DOCK2: variants seen among roughly 807,000 people sequenced by gnomAD.
DOCK2 encodes the protein dedicator of cytokinesis protein 2.
DOCK2 carries 87 observed loss-of-function variants against 248.9 expected under a neutral mutation model. The ratio of observed to expected loss-of-function variants is 0.35; its 90% CI spans 0.29 to 0.42. DOCK2 has a LOEUF of 0.42. Ranked by LOEUF, DOCK2 falls within the 10% of genes least tolerant of loss-of-function variation. The pLI is 1.00. For synonymous variants in DOCK2, 805 were observed against 821.6 expected, an observed-to-expected ratio of 0.98 and a Z score of 0.35; for missense variants, 1,747 against 2,300.2, an observed-to-expected ratio of 0.76 and a Z score of 4.92.
chr5:169,668,523 T>C (rs17736667), intron 2 of DOCK2, among the ~76,000 whole-genome samples: 7,515 of 152,214 alleles, frequency 0.049, 263 homozygotes, highest in East Asian at 0.14. Flanking sequence ...CTAGTGAGGC[T>C]CCTGACAGAC....
At chr5:169,730,014 T>C (rs963572421) in intron 22 of DOCK2, among the ~76,000 whole-genome samples, 1 of 152,200 alleles carries the variant, frequency 6.6e-6, no homozygotes, top group Non-Finnish European at 1.5e-5. Context: ...TGGAGTGCAA[T>C]GGCACAATCT....
chr5:169,753,473 G>A (rs1370789802), intron 23 of DOCK2, among the ~76,000 whole-genome samples: 1 of 149,980 alleles, frequency 6.7e-6, no homozygotes, highest in Non-Finnish European at 1.5e-5. Flanking sequence ...AAGACTATAT[G>A]CAAAGACAAA....
chr5:169,746,106 A>G (rs1561657975), intron 22 of DOCK2, among the ~76,000 whole-genome samples: 1 of 152,044 alleles, frequency 6.6e-6, no homozygotes, highest in African/African-American at 2.4e-5. Context: ...GGCTTTAGAG[A>G]GGGGGTTAGT....
At chr5:169,689,112 G>A (rs1760148939) in intron 8 of DOCK2, 140 bp from the exon 9 acceptor site, 2 of 685,216 alleles carry the variant, frequency 2.9e-6, no homozygotes, top group African/African-American at 1.8e-5. Context: ...TCGGAGGGAA[G>A]GACCATGTCT....
At chr5:169,718,538 GT>G in intron 21 of DOCK2, 118 bp from the exon 22 acceptor site, 1 of 1,039,576 alleles carries the variant, frequency 9.6e-7, no homozygotes, top group Non-Finnish European at 1.3e-6. Flanking sequence ...TTACAAATGA[GT>G]AAGTGAGCTT....
At chr5:169,954,219 A>G (rs1776775873) in intron 27 of DOCK2, among the ~76,000 whole-genome samples, 1 of 152,252 alleles carries the variant, frequency 6.6e-6, no homozygotes, top group Non-Finnish European at 1.5e-5. Flanking sequence ...TGACTAACTC[A>G]TGGCTATGAA....
At chr5:170,021,543 G>T (rs1755727174) in intron 33 of DOCK2, among the ~76,000 whole-genome samples, 1 of 152,114 alleles carries the variant, frequency 6.6e-6, no homozygotes, top group Non-Finnish European at 1.5e-5. Flanking sequence ...TTCCCTAAAG[G>T]ATTCTCGTAT....
chr5:169,686,384 C>T (rs1043011777), intron 8 of DOCK2, among the ~76,000 whole-genome samples: 12 of 152,314 alleles, frequency 7.9e-5, no homozygotes, highest in East Asian at 1.9e-4. Flanking sequence ...TGCTCCCTGC[C>T]GTGCCACCTG....
At chr5:169,840,689 T>A in intron 26 of DOCK2, 68 bp from the exon 27 acceptor site, 1 of 1,451,518 alleles carries the variant, frequency 6.9e-7, no homozygotes, top group Non-Finnish European at 9.6e-7. Context: ...CTGTTGTCTG[T>A]GTCCTTTGTA....
intron 25 of DOCK2, chr5:169,773,247 T>C (rs994786990): frequency 3.3e-5 from 5 of 152,158 alleles, no homozygotes; most frequent in African/African-American, 1.2e-4. Flanking sequence ...AAGAGAGATT[T>C]ATGAAAGTGT....
chr5:169,823,684 A>G (rs34693191), intron 26 of DOCK2, among the ~76,000 whole-genome samples: 26,770 of 152,172 alleles, frequency 0.18, 2,654 homozygotes, highest in Admixed American at 0.24. Flanking sequence ...GACAAAAACT[A>G]GAAGCATTCC....
chr5:169,688,281 T>A (rs1448963747), intron 8 of DOCK2, among the ~76,000 whole-genome samples: 1 of 152,216 alleles, frequency 6.6e-6, no homozygotes, highest in African/African-American at 2.4e-5. Context: ...TGGCCTTTAC[T>A]CACGTTGACT....
intron 47 of DOCK2, among the ~76,000 whole-genome samples, chr5:170,077,323 C>T (rs547773960): frequency 1.3e-5 from 2 of 152,100 alleles, no homozygotes; most frequent in Non-Finnish European, 2.9e-5. Context: ...CTGTCCACTC[C>T]CTGGAGGTTG....
intron 28 of DOCK2, among the ~76,000 whole-genome samples, chr5:169,985,347 TCGTGTG>T (rs1778038987): frequency 9.8e-6 from 1 of 102,406 alleles, no homozygotes; most frequent in Admixed American, 1.1e-4. Flanking sequence ...GCTAATCTGC[TCGTGTG>T]TGTGTGTGTG....
chr5:169,938,095 G>A (rs1007192636), intron 27 of DOCK2, among the ~76,000 whole-genome samples: 3 of 152,168 alleles, frequency 2.0e-5, no homozygotes, highest in Non-Finnish European at 4.4e-5. Context: ...TGCCTAACAT[G>A]CACCAGCCAT....
intron 27 of DOCK2, among the ~76,000 whole-genome samples, chr5:169,857,733 T>TAAAAAAA (rs745578660): frequency 1.3e-4 from 14 of 108,340 alleles, no homozygotes; most frequent in Non-Finnish European, 2.0e-4. Context: ...GGAACAAAAC[T>TAAAAAAA]AAAAAAAAAA....
intron 26 of DOCK2, among the ~76,000 whole-genome samples, chr5:169,834,469 A>G (rs35897398): frequency 3.0e-3 from 7 of 2,364 alleles, no homozygotes; most frequent in African/African-American, 9.3e-3. Flanking sequence ...TCCCAACCAG[A>G]TCACCCTGTA....
At chr5:170,061,164 T>A (rs1757314709) in intron 44 of DOCK2, among the ~76,000 whole-genome samples, 1 of 152,196 alleles carries the variant, frequency 6.6e-6, no homozygotes, top group African/African-American at 2.4e-5. Context: ...CCTCCCCTGA[T>A]AATTCATTTT....
intron 27 of DOCK2, chr5:169,884,046 C>A: frequency 1.5e-6 from 1 of 650,106 alleles, no homozygotes. Flanking sequence ...TATGGGAAAT[C>A]CTGTTGGCCA....
Sources: allele counts gnomAD v4.1 joint callset (sites outside exome capture counted in the v4.1 genomes callset), GRCh38; gene constraint gnomAD v4.1.1; transcripts MANE v1.5; gene names NCBI Gene and HGNC (gene_info 2026-07-23, HGNC 2026-07-21).